CHN2: variants seen among roughly 807,000 people sequenced by gnomAD.
The protein encoded by CHN2 is beta-chimaerin.
A neutral mutation model predicts 56.3 loss-of-function variants in CHN2; 35 were observed. That is an observed-to-expected ratio of 0.62 (90% confidence interval 0.47 to 0.82). The LOEUF (loss-of-function observed/expected upper bound fraction) is 0.82, where lower values mean the gene tolerates loss of function less well. Among genes scored for constraint, CHN2 ranks in the 40% least tolerant of loss-of-function variants. The pLI is 0.00. For missense variants in CHN2, 491 were observed against 580.5 expected, an observed-to-expected ratio of 0.85 and a Z score of 1.58; for synonymous variants, 210 against 212.8, an observed-to-expected ratio of 0.99 and a Z score of 0.12.
intron 1 of CHN2, among the ~76,000 whole-genome samples, chr7:29,264,450 C>T (rs1789942190): frequency 6.6e-6 from 1 of 152,186 alleles, no homozygotes; most frequent in Non-Finnish European, 1.5e-5. Context: ...TGGGAGACTC[C>T]ATTTTGTTCT....
intron 7 of CHN2, among the ~76,000 whole-genome samples, chr7:29,487,756 CCTT>C (rs1241541854): frequency 6.6e-6 from 1 of 152,016 alleles, no homozygotes; most frequent in Non-Finnish European, 1.5e-5. Context: ...CTCTGTCTCT[CCTT>C]CTCCCTCTCC....
chr7:29,242,157 G>A (rs1787735104), intron 1 of CHN2, among the ~76,000 whole-genome samples: 1 of 152,154 alleles, frequency 6.6e-6, no homozygotes, highest in African/African-American at 2.4e-5. Flanking sequence ...CAAATGTCAT[G>A]TAGCTTATAA....
In CHN2 at chr7:29,264,060, C is replaced by T. The variant is rs533807042; in HGVS notation, c.49+69070C>T. ...GGGTGGGGGGCAGCCCCCATCCGGC[C>T]GCCGCCCCGTCCGGGAGGTGGGGGG... is the stretch of plus-strand genomic sequence containing the variant. On this transcript the variant is annotated intron_variant, in intron 1 of 12. Transcript: ENST00000222792. Among the ~76,000 whole-genome samples the T allele has an allele frequency of 6.7e-5, 10 of 148,340 alleles. No homozygotes were observed. In the South Asian group the frequency reaches 1.3e-3, roughly 19 times the overall value.
chr7:29,166,458 TTTG>T (rs1795932569), intron 2 of CHN2, among the ~76,000 whole-genome samples: 1 of 151,524 alleles, frequency 6.6e-6, no homozygotes. Flanking sequence ...TTTCTGGGTT[TTTG>T]TTTGTTTGTT....
Position 29,458,414 on chromosome 7 carries a change from C to CAT in CHN2, c.577-21864_577-21863insTA, listed in dbSNP as rs1784923881. Among the ~76,000 whole-genome samples, 15 of 142,952 alleles carry CAT rather than the reference C, an allele frequency of 1.0e-4. No homozygotes were observed. In the Admixed American group the frequency reaches 1.1e-3, roughly 10 times the overall value. The allele number at this position is 142,952 out of a possible 152,430, so 93.8% of individuals were successfully genotyped here. On this transcript the variant is annotated intron_variant, in intron 6 of 12. Coordinates refer to ENST00000222792, the MANE Select transcript of CHN2 (RefSeq NM_004067.4). ...ACACACACACACACACACACACACA[C>CAT]ACACCCCATGCATTACAAATAGATG...
chr7:29,472,313 T>TCACACGC (rs1459480414), intron 6 of CHN2, among the ~76,000 whole-genome samples: 4 of 77,782 alleles, frequency 5.1e-5, no homozygotes, highest in Admixed American at 1.7e-4. Flanking sequence ...ACACACACAT[T>TCACACGC]AGACACAGAA....
rs1783435831 is a variant in CHN2, at chr7:29,194,858, G to A, written c.-84G>A. On this transcript the variant is annotated 5_prime_UTR_variant, in exon 1 of 13. Coordinates refer to ENST00000222792, the MANE Select transcript of CHN2 (RefSeq NM_004067.4). The stretch of plus-strand genomic sequence containing the variant: ...ACTTTGCCATGGGCTGGGGGCCGCG[G>A]AGGCTGCGAGCGGCCGGGCGAGGGC... 1.6e-6 allele frequency: 2 copies of A among 1,267,068 alleles called. No individual in the cohort carries two copies. Among genetic ancestry groups the A allele is most frequent in the Non-Finnish European group, 2.0e-6 (2 of 984,762 alleles). 78.5% of individuals were successfully genotyped at this position (1,267,068 alleles called of 1,614,324 possible).
At chr7:29,264,872 CAA>C (rs570169872) in intron 1 of CHN2, among the ~76,000 whole-genome samples, 2 of 114,240 alleles carry the variant, frequency 1.8e-5, no homozygotes, top group Admixed American at 8.6e-5. Context: ...CTGTTAAAAG[CAA>C]AAAAAAAAAA....
At chr7:29,345,547 C>T (rs1054357650) in intron 1 of CHN2, among the ~76,000 whole-genome samples, 3 of 151,734 alleles carry the variant, frequency 2.0e-5, no homozygotes, top group South Asian at 2.1e-4. Flanking sequence ...TTGGTGTGTT[C>T]GAGGAGCAAA....
intron 1 of CHN2, among the ~76,000 whole-genome samples, chr7:29,338,955 A>G (rs987259479): frequency 2.6e-5 from 4 of 151,914 alleles, no homozygotes; most frequent in African/African-American, 9.7e-5. Flanking sequence ...ATAAAGGCTA[A>G]GATATCTACA....
chr7:29,192,420 C>G (rs968016829), upstream of CHN2: 2 of 152,172 alleles, frequency 1.3e-5, no homozygotes, highest in Non-Finnish European at 2.9e-5. Flanking sequence ...ATCTGTTGTC[C>G]TTTTGTGAAA....
chr7:29,354,500 AAG>A, intron 1 of CHN2, 123 bp from the exon 2 acceptor site: 1 of 796,882 alleles, frequency 1.3e-6, no homozygotes, highest in South Asian at 1.6e-5. Flanking sequence ...CCTAAATGAG[AAG>A]AGAGTCCCCC....
At chr7:29,350,001 A>T (rs1163693151) in intron 1 of CHN2, among the ~76,000 whole-genome samples, 1 of 152,202 alleles carries the variant, frequency 6.6e-6, no homozygotes, top group African/African-American at 2.4e-5. Context: ...ATTTGGCTTA[A>T]TGACAATTTT....
chr7:29,318,993 C>A lies in CHN2; in HGVS notation c.50-35632C>A, dbSNP rs538736067. On this transcript the variant is annotated intron_variant, in intron 1 of 12. Transcript: ENST00000222792. ...ACAAGCCCCAGAGTAGTGCACACCG[C>A]AAGCTGACTTGTTCTCCACTCTTTG... is the stretch of plus-strand genomic sequence containing the variant. 2.0e-5 allele frequency among the ~76,000 whole-genome samples: 3 copies of A among 152,328 alleles called. No homozygotes were observed. The South Asian group carries it at 6.2e-4, about 32-fold the overall frequency.
At chr7:29,365,770 C>T (rs1184926834) in intron 2 of CHN2, among the ~76,000 whole-genome samples, 1 of 152,176 alleles carries the variant, frequency 6.6e-6, no homozygotes, top group Non-Finnish European at 1.5e-5. Context: ...TGATCTTCCT[C>T]TGAGAGCAAT....
intron 7 of CHN2, among the ~76,000 whole-genome samples, chr7:29,486,513 G>A (rs544751632): frequency 1.2e-4 from 19 of 152,132 alleles, no homozygotes; most frequent in Admixed American, 1.2e-3. Context: ...GTGCTACCCC[G>A]TGTCTGATCC....
intron 1 of CHN2, among the ~76,000 whole-genome samples, chr7:29,218,600 A>T (rs1264552215): frequency 1.2e-4 from 18 of 152,126 alleles, no homozygotes; most frequent in Admixed American, 1.2e-3. Context: ...TGGCATATAT[A>T]CACCATGGAA....
At chr7:29,405,525 A>G (rs1585284747) in intron 6 of CHN2, among the ~76,000 whole-genome samples, 1 of 151,174 alleles carries the variant, frequency 6.6e-6, no homozygotes, top group Non-Finnish European at 1.5e-5. Context: ...CCCATTAACC[A>G]CCCCACCATC....
At chr7:29,245,174 A>G (rs535751674) in intron 1 of CHN2, among the ~76,000 whole-genome samples, 2 of 152,222 alleles carry the variant, frequency 1.3e-5, no homozygotes, top group South Asian at 2.1e-4. Context: ...TGGGAACTTT[A>G]TTACTTTACT....
Sources: allele counts gnomAD v4.1 joint callset (sites outside exome capture counted in the v4.1 genomes callset), GRCh38; gene constraint gnomAD v4.1.1; transcripts MANE v1.5; gene names NCBI Gene and HGNC (gene_info 2026-07-23, HGNC 2026-07-21).